Variants in CELSR1 observed in about 807,000 individuals in gnomAD.
The protein encoded by CELSR1 is adhesion G protein-coupled receptor C1.
In CELSR1, 110 loss-of-function variants were observed where a neutral mutation model predicts 249.1. The observed-to-expected ratio is 0.44, with a 90% CI of 0.38 to 0.52. CELSR1 has a LOEUF of 0.52. Ranked by LOEUF, CELSR1 falls within the 20% of genes least tolerant of loss-of-function variation. The pLI, the probability that CELSR1 is intolerant of heterozygous loss-of-function variation, is 0.00. For missense variants in CELSR1, 4,109 were observed against 4,296.4 expected (o/e 0.96, Z 1.22); for synonymous variants, 2,113 against 1,900.0 (o/e 1.11, Z -2.92).
In CELSR1 at chr22:46,391,566, C is replaced by T. The variant is rs117061509; in HGVS notation, c.6148+67G>A. The T allele has an allele frequency of 6.9e-4, 995 of 1,452,338 alleles. 6 individuals carry two copies. In the East Asian group the frequency reaches 0.017, roughly 25 times the overall value. 90.0% of individuals were successfully genotyped at this position (1,452,338 alleles called of 1,614,324 possible). A position where few individuals can be genotyped will look rare whatever the true frequency, so the allele number is the denominator to read the frequency against. On this transcript the variant is annotated intron_variant, in intron 15 of 34. Transcript: ENST00000674500. The surrounding 1 kb of genome is among the most constrained non-coding windows in gnomAD (Gnocchi z 4.3). ...CAAACACCCAGCGTGCATGCACACA[C>T]GTGCACGCCAGTGCAGCAGCCTGTC...
rs929874412 is a variant in CELSR1, at chr22:46,412,440, T to C, written c.4612-681A>G. Among the ~76,000 whole-genome samples the C allele has an allele frequency of 9.2e-5, 14 of 152,162 alleles. No individual in the cohort carries two copies. The highest frequency in any genetic ancestry group is 3.1e-4 in the African/African-American group (13 of 41,458). ...CGGCACCTGGCCAGGTTCGTGCTCC[T>C]GGAGTACAGACACCAGGAGGCCACT... On this transcript the variant is annotated intron_variant, in intron 5 of 34. Coordinates refer to ENST00000674500, the MANE Select transcript of CELSR1 (RefSeq NM_001378328.1). This position sits in a 1 kb window ranked among gnomAD's most constrained non-coding sequence, Gnocchi z 4.5.
At chr22:46,439,510 G>A in intron 2 of CELSR1, 99 bp from the exon 3 acceptor site, 9 of 957,664 alleles carry the variant, frequency 9.4e-6, no homozygotes, top group Non-Finnish European at 1.4e-5. Context: ...CAGCCACACA[G>A]TCAGCTGCTG....
intron 3 of CELSR1, among the ~76,000 whole-genome samples, chr22:46,438,149 C>CAAAAAGCA (rs566924678): frequency 1.5e-4 from 23 of 151,000 alleles, no homozygotes; most frequent in Non-Finnish European, 3.1e-4. Flanking sequence ...AAGCAAAAAG[C>CAAAAAGCA]AAAAAAAAGG....
intron 28 of CELSR1, 57 bp downstream of exon 28, chr22:46,367,672 G>T (rs1311792844): frequency 1.9e-6 from 3 of 1,556,362 alleles, no homozygotes; most frequent in Non-Finnish European, 2.6e-6. Flanking sequence ...TCGCATCACA[G>T]CGATGGTGTC....
intron 1 of CELSR1, among the ~76,000 whole-genome samples, chr22:46,508,296 TGTGCGG>T (rs1333061987): frequency 8.1e-6 from 1 of 122,824 alleles, no homozygotes; most frequent in African/African-American, 2.9e-5. Context: ...ACCCAGCAGG[TGTGCGG>T]GAGGATTTGC....
In CELSR1 at chr22:46,490,117, GTGTACACATGTCGA is replaced by G. The variant is rs1366467981; in HGVS notation, c.3545-25786_3545-25773del. 2.0e-5 allele frequency among the ~76,000 whole-genome samples: 3 copies of G among 152,114 alleles called. No homozygotes were observed. The highest frequency in any genetic ancestry group is 7.2e-5 in the African/African-American group (3 of 41,422). On this transcript the variant is annotated intron_variant, in intron 1 of 34. Transcript: ENST00000674500. The surrounding 1 kb of genome is among the most constrained non-coding windows in gnomAD (Gnocchi z 5.2). ...GAGAACCAACGTTCCCAAGTGCAAA[GTGTACACATGTCGA>G]CATGGCACTTCTACCTGGAGTGCAT...
chr22:46,452,504 C>T (rs2079898085), intron 2 of CELSR1, among the ~76,000 whole-genome samples: 1 of 152,224 alleles, frequency 6.6e-6, no homozygotes, highest in African/African-American at 2.4e-5. Flanking sequence ...ACAGCTGGCA[C>T]TTAGGGGGCG....
At position 46,391,318 on chromosome 22, in the gene CELSR1, C is replaced by T. The variant is rs1167285570; in HGVS notation, c.6149-31G>A. The T allele has an allele frequency of 3.5e-5, 55 of 1,587,518 alleles. No individual in the cohort carries two copies. Among genetic ancestry groups the T allele is most frequent in the Non-Finnish European group, 4.5e-5 (52 of 1,158,176 alleles). On this transcript the variant is annotated intron_variant, in intron 15 of 34. Transcript: ENST00000674500. The surrounding 1 kb of genome is among the most constrained non-coding windows in gnomAD (Gnocchi z 4.3). ...GTAGAGAAGAGAGAAGTCTGCTCAG[C>T]GGGGCACGCCACACCCACGACCACA...
rs150862653 is a variant in CELSR1, at chr22:46,417,833, T to TA, written c.4612-6075dup. Among the ~76,000 whole-genome samples the TA allele has an allele frequency of 8.5e-3, 1,301 of 152,352 alleles. 25 individuals carry two copies. Among genetic ancestry groups the TA allele is most frequent in the African/African-American group, 0.029 (1,210 of 41,570 alleles). On this transcript the variant is annotated intron_variant, in intron 5 of 34. Coordinates refer to ENST00000674500, the MANE Select transcript of CELSR1 (RefSeq NM_001378328.1). This position sits in a 1 kb window ranked among gnomAD's most constrained non-coding sequence, Gnocchi z 4.1. ...GTGTCTGAGCTGGCGTGGCTGATAT[T>TA]ACTATCATCCTCATTCTCAACTCAG...
Position 46,369,796 on chromosome 22 carries a change from C to T in CELSR1, c.7768G>A (p.Val2590Ile). Residue 2590 changes from valine to isoleucine, a missense_variant, in exon 26 of 35, where the codon GTC becomes ATC. This residue lies in a region of CELSR1 where 1,805 missense variants were observed against 1,831.6 expected (regional missense o/e 0.99). Transcript: ENST00000674500. ...GIPAIVTGLA[V>I]GLDPQGYGNP... is the part of the protein sequence containing the mutation. ...CCGTAGCCCTGGGGGTCCAGGCCGA[C>T]CGCCAGTCCTGAACACAGCGGGGAG... 2 of 1,613,010 alleles carry T rather than the reference C, an allele frequency of 1.2e-6. No individual in the cohort carries two copies. The highest frequency in any genetic ancestry group is 1.7e-5 in the Admixed American group (1 of 60,002).
At position 46,491,868 on chromosome 22, in the gene CELSR1, C is replaced by T. The variant is rs988764718; in HGVS notation, c.3545-27523G>A. Among the ~76,000 whole-genome samples the T allele has an allele frequency of 2.6e-5, 4 of 151,952 alleles. No individual in the cohort carries two copies. In the South Asian group the frequency reaches 8.3e-4, roughly 32 times the overall value. On this transcript the variant is annotated intron_variant, in intron 1 of 34. Coordinates refer to ENST00000674500, the MANE Select transcript of CELSR1 (RefSeq NM_001378328.1). ...GCCAGGCTGGTCTCGAACTCCTGACCTCAGGTGATCCATCTGCCTCAGCCT... is the reference window on the plus strand; with the variant it reads ...GCCAGGCTGGTCTCGAACTCCTGACTTCAGGTGATCCATCTGCCTCAGCCT...
intron 25 of CELSR1, 177 bp from the exon 26 acceptor site, chr22:46,369,981 G>A (rs76033379): frequency 0.042 from 28,433 of 674,574 alleles, 749 homozygotes; most frequent in Non-Finnish European, 0.055. Flanking sequence ...TCTCCGTGTA[G>A]GGTCTCAGGC....
At chr22:46,373,735 G>A (rs924410692) in intron 24 of CELSR1, among the ~76,000 whole-genome samples, 3 of 148,154 alleles carry the variant, frequency 2.0e-5, no homozygotes, top group Admixed American at 2.0e-4. Flanking sequence ...AGCAATGGGA[G>A]CAATAGGAGC....
chr22:46,463,749 G>C lies in CELSR1; in HGVS notation c.4141C>G (p.Arg1381Gly). 6.5e-7 allele frequency: 1 copy of C among 1,543,598 alleles called. No individual in the cohort carries two copies. Among genetic ancestry groups the C allele is most frequent in the Non-Finnish European group, 8.7e-7 (1 of 1,146,564 alleles). Residue 1381 changes from arginine (R) to glycine (G), a missense_variant, in exon 2 of 35, where the codon CGC becomes GGC. Around this residue, in one of 7 missense-constraint regions of CELSR1, gnomAD observed 453 missense variants for 492.0 expected, o/e 0.92. Transcript: ENST00000674500. The stretch of plus-strand genomic sequence containing the variant: ...CACTCGCAGGTGTAGCCGCCCTCGC[G>C]GCTGCGGCAGCGGCCGTTGGCGCCG... ...PCGANGRCRSREGGYTCECFE... is the reference protein window; with the variant it reads ...PCGANGRCRSGEGGYTCECFE...
chr22:46,367,815 T>C lies in CELSR1; in HGVS notation c.7993A>G (p.Ser2665Gly), dbSNP rs1172377175. 2 of 1,611,822 alleles carry C rather than the reference T, an allele frequency of 1.2e-6. No homozygotes were observed. Among genetic ancestry groups the C allele is most frequent in the Admixed American group, 1.7e-5 (1 of 59,926 alleles). ...AGCAGCCCCAGCAGCCAGGTGGCGC[T>C]GATGAGCAGCAGCAGGAGGAATGCG... The part of the protein sequence containing the change: ...RTAFLLLLLI[S>G]ATWLLGLLAV... Residue 2665 changes from serine to glycine, a missense_variant, in exon 28 of 35, where the codon AGC (serine) becomes GGC (glycine). Transcript: ENST00000674500.
chr22:46,410,273 G>T lies in CELSR1; in HGVS notation c.4933+125C>A. 2 of 1,231,042 alleles carry T rather than the reference G, an allele frequency of 1.6e-6. No individual in the cohort carries two copies. Among genetic ancestry groups the T allele is most frequent in the East Asian group, 2.4e-5 (1 of 41,946 alleles). The allele number at this position is 1,231,042 out of a possible 1,614,324, so 76.3% of individuals were successfully genotyped here. ...TCCATCCCAGGAGCTGCCCACCGCT[G>T]GACACATACATTTCTAAGAAAAACA... On this transcript the variant is annotated intron_variant, in intron 7 of 34. Coordinates refer to ENST00000674500, the MANE Select transcript of CELSR1 (RefSeq NM_001378328.1). This position sits in a 1 kb window ranked among gnomAD's most constrained non-coding sequence, Gnocchi z 6.8.
chr22:46,436,193 CACCT>C lies in CELSR1; in HGVS notation c.4499_4502del (p.Gln1500ArgfsTer22). ...CCCCACCTGCAGAGAAGGTGAGCTG[CACCT>C]GCTCGTCCACGATCTCCAGGGCGAT... On this transcript the variant is annotated frameshift_variant, in exon 4 of 35. Coordinates refer to ENST00000674500, the MANE Select transcript of CELSR1 (RefSeq NM_001378328.1). LOFTEE classifies it high-confidence loss of function. This position sits in a 1 kb window ranked among gnomAD's most constrained non-coding sequence, Gnocchi z 5.9. 1 of 1,609,974 alleles carries C rather than the reference CACCT, an allele frequency of 6.2e-7. No individual in the cohort carries two copies. The highest frequency in any genetic ancestry group is 8.5e-7 in the Non-Finnish European group (1 of 1,176,420).
chr22:46,484,063 G>A lies in CELSR1; in HGVS notation c.3545-19718C>T, dbSNP rs769982263. 1.3e-5 allele frequency among the ~76,000 whole-genome samples: 2 copies of A among 152,178 alleles called. No individual in the cohort carries two copies. The highest frequency in any genetic ancestry group is 1.9e-4 in the East Asian group (1 of 5,194). Reference sequence around the variant, plus strand: ...GCACAGAACATTCCCAGGCTCCCACGGGCTCCCACGCTCTGCCCTGGCTCT... The same window carrying A: ...GCACAGAACATTCCCAGGCTCCCACAGGCTCCCACGCTCTGCCCTGGCTCT... On this transcript the variant is annotated intron_variant, in intron 1 of 34. Transcript: ENST00000674500. The surrounding 1 kb of genome is among the most constrained non-coding windows in gnomAD (Gnocchi z 4.5).
In CELSR1 at chr22:46,536,851, G is replaced by C; in HGVS notation, c.320C>G (p.Ala107Gly). The C allele has an allele frequency of 8.1e-7, 1 of 1,232,004 alleles. No homozygotes were observed. 76.3% of individuals were successfully genotyped at this position (1,232,004 alleles called of 1,614,324 possible). The change falls in exon 1 of 35, where the codon GCG becomes GGG. Residue 107 changes from alanine (A) to glycine (G), a missense_variant. Transcript: ENST00000674500. ...APTALSRRLRARTHLPGCGAR... is the reference protein window; with the variant it reads ...APTALSRRLRGRTHLPGCGAR... ...TCCGCAGCCGGGAAGGTGCGTGCGC[G>C]CCCGCAGGCGGCGGCTCAGCGCCGT...
Sources: allele counts gnomAD v4.1 joint callset (sites outside exome capture counted in the v4.1 genomes callset), GRCh38; gene constraint gnomAD v4.1.1; regional missense constraint gnomAD v4.1.1; non-coding constraint Gnocchi (gnomAD v3.1); transcripts MANE v1.5; gene names NCBI Gene and HGNC (gene_info 2026-07-23, HGNC 2026-07-21).